KIRREL1: variants seen among roughly 807,000 people sequenced by gnomAD.
The protein encoded by KIRREL1 is kirre like nephrin family adhesion molecule 1.
In KIRREL1, 25 loss-of-function variants were observed where a neutral mutation model predicts 83.3. That is an observed-to-expected ratio of 0.30 (90% CI 0.22 to 0.42). The LOEUF (loss-of-function observed/expected upper bound fraction) is 0.42, where lower values mean the gene tolerates loss of function less well. KIRREL1 is among the 10% of genes least tolerant of loss of function. The pLI is 1.00. For synonymous variants in KIRREL1, 388 were observed against 410.4 expected, an observed-to-expected ratio of 0.95 and a Z score of 0.66; for missense variants, 812 against 1,032.3, an observed-to-expected ratio of 0.79 and a Z score of 2.92.
intron 1 of KIRREL1, among the ~76,000 whole-genome samples, chr1:158,064,725 C>G (rs1029379171): frequency 3.3e-5 from 5 of 152,080 alleles, no homozygotes; most frequent in African/African-American, 1.2e-4. Context: ...TGGGGACACA[C>G]CTGTGTTATG....
At chr1:158,057,027 A>G (rs1012286771) in intron 1 of KIRREL1, among the ~76,000 whole-genome samples, 1 of 151,790 alleles carries the variant, frequency 6.6e-6, no homozygotes, top group Non-Finnish European at 1.5e-5. Context: ...TCCTAGGAGG[A>G]CCCCAGCATT....
At chr1:158,068,504 GC>G (rs1390353918) in intron 1 of KIRREL1, among the ~76,000 whole-genome samples, 1 of 152,170 alleles carries the variant, frequency 6.6e-6, no homozygotes, top group Non-Finnish European at 1.5e-5. Context: ...CAGTAGCTGG[GC>G]AGGCACAGAG....
intron 1 of KIRREL1, among the ~76,000 whole-genome samples, chr1:158,032,726 T>C (rs1452809480): frequency 6.6e-6 from 1 of 152,136 alleles, no homozygotes; most frequent in Non-Finnish European, 1.5e-5. Context: ...AGCCTCCTTA[T>C]AAATCATTCC....
chr1:158,048,211 G>A (rs959978159), intron 1 of KIRREL1, among the ~76,000 whole-genome samples: 5 of 152,136 alleles, frequency 3.3e-5, no homozygotes, highest in Admixed American at 3.3e-4. Flanking sequence ...TAAATAAGAA[G>A]GATGGAAGGA....
At chr1:158,079,480 T>C (rs1661782551) in intron 3 of KIRREL1, among the ~76,000 whole-genome samples, 1 of 152,186 alleles carries the variant, frequency 6.6e-6, no homozygotes, top group South Asian at 2.1e-4. Flanking sequence ...CCACCATGCC[T>C]GGTTAATTTT....
At chr1:158,051,265 C>CCTTTCCTTCCTGTGGT (rs1358928805) in intron 1 of KIRREL1, among the ~76,000 whole-genome samples, 1 of 152,170 alleles carries the variant, frequency 6.6e-6, no homozygotes, top group African/African-American at 2.4e-5. Context: ...GGAAGATCTT[C>CCTTTCCTTCCTGTGGT]CTTTCCTTCC....
At chr1:158,032,330 G>T (rs1250212730) in intron 1 of KIRREL1, among the ~76,000 whole-genome samples, 1 of 152,076 alleles carries the variant, frequency 6.6e-6, no homozygotes, top group Admixed American at 6.6e-5. Flanking sequence ...AGGCTTGGGA[G>T]CAGGGAGATG....
At chr1:158,026,345 T>C (rs1448170542) in intron 1 of KIRREL1, among the ~76,000 whole-genome samples, 1 of 152,178 alleles carries the variant, frequency 6.6e-6, no homozygotes, top group Non-Finnish European at 1.5e-5. Context: ...CTAGGTCTAG[T>C]ATATCTTCAC....
At chr1:158,049,049 G>A in intron 1 of KIRREL1, among the ~76,000 whole-genome samples, 1 of 152,156 alleles carries the variant, frequency 6.6e-6, no homozygotes, top group Non-Finnish European at 1.5e-5. Context: ...TTGCACTAAA[G>A]AAGAAAAACT....
chr1:158,057,213 C>T lies in KIRREL1; in HGVS notation c.53-18900C>T, dbSNP rs112893835. ...AGAGCTGAGGGTTGACACCTCCACT[C>T]AGCTTTATTTGGGGTTTGGGGACAC... is the stretch of plus-strand genomic sequence containing the variant. On this transcript the variant is annotated intron_variant, in intron 1 of 14. Transcript: ENST00000359209. 7.2e-4 allele frequency among the ~76,000 whole-genome samples: 109 copies of T among 152,222 alleles called. 1 individual carries two copies. The highest frequency in any genetic ancestry group is 1.1e-3 in the Non-Finnish European group (73 of 68,012).
intron 1 of KIRREL1, among the ~76,000 whole-genome samples, chr1:158,067,256 G>A (rs1486109949): frequency 6.6e-6 from 1 of 152,204 alleles, no homozygotes; most frequent in Non-Finnish European, 1.5e-5. Flanking sequence ...TGGAAGGGAT[G>A]TGAGAAACTC....
chr1:158,013,797 C>G (rs1266390908), intron 1 of KIRREL1, among the ~76,000 whole-genome samples: 1 of 152,168 alleles, frequency 6.6e-6, no homozygotes, highest in Non-Finnish European at 1.5e-5. Flanking sequence ...CTACCATTCC[C>G]CACTGCACAG....
intron 1 of KIRREL1, among the ~76,000 whole-genome samples, chr1:158,023,540 C>T (rs901360823): frequency 6.6e-6 from 1 of 152,176 alleles, no homozygotes; most frequent in African/African-American, 2.4e-5. Flanking sequence ...GGAATCCCCA[C>T]ACCAGACAGG....
At chr1:158,080,410 A>G (rs968997397) in intron 3 of KIRREL1, among the ~76,000 whole-genome samples, 2 of 152,118 alleles carry the variant, frequency 1.3e-5, no homozygotes, top group African/African-American at 2.4e-5. Flanking sequence ...ATCAAGGGGA[A>G]CCCTAGATGG....
intron 1 of KIRREL1, among the ~76,000 whole-genome samples, chr1:157,996,461 G>A (rs566579824): frequency 1.3e-5 from 2 of 152,214 alleles, no homozygotes; most frequent in East Asian, 3.9e-4. Flanking sequence ...TCCGTGGGGG[G>A]GATGGATGTG....
intron 10 of KIRREL1, among the ~76,000 whole-genome samples, chr1:158,090,471 C>T (rs1571000459): frequency 6.6e-6 from 1 of 152,216 alleles, no homozygotes; most frequent in South Asian, 2.1e-4. Flanking sequence ...TGGCTAACTC[C>T]AGGGCTGCCC....
Position 157,993,748 on chromosome 1 carries a change from C to T in KIRREL1, c.52+20C>T, listed in dbSNP as rs1659107948. On this transcript the variant is annotated intron_variant, in intron 1 of 14. Transcript: ENST00000359209. ...CCCAAGGTAAGGGCCCCCAGCCCAC[C>T]CCCGGACGCTCGGCTTCCCCCCGGG... 1.4e-6 allele frequency: 2 copies of T among 1,467,008 alleles called. No individual in the cohort carries two copies. Among genetic ancestry groups the T allele is most frequent in the South Asian group, 1.3e-5 (1 of 75,404 alleles). The allele number at this position is 1,467,008 out of a possible 1,614,324, so 90.9% of individuals were successfully genotyped here.
intron 1 of KIRREL1, among the ~76,000 whole-genome samples, chr1:157,999,886 G>T (rs757930981): frequency 1.3e-5 from 2 of 152,134 alleles, no homozygotes; most frequent in Non-Finnish European, 2.9e-5. Context: ...TTTGTGAAGG[G>T]CAATTTTGTA....
At chr1:158,040,800 G>A (rs985377660) in intron 1 of KIRREL1, among the ~76,000 whole-genome samples, 4 of 152,226 alleles carry the variant, frequency 2.6e-5, no homozygotes, top group Non-Finnish European at 2.9e-5. Context: ...TTGGTGGGGG[G>A]CTGAAGATAA....
Sources: gnomAD v4.1 joint callset for allele counts (sites outside exome capture counted in the v4.1 genomes callset) on GRCh38, gnomAD v4.1.1 for gene constraint, MANE v1.5 for transcripts, NCBI Gene and HGNC (gene_info 2026-07-23, HGNC 2026-07-21) for gene names.